The following MCTP1 variants were observed in gnomAD, a reference collection of about 807,000 sequenced individuals.
MCTP1 encodes multiple C2 and transmembrane domain-containing protein 1.
A neutral mutation model predicts 120.6 loss-of-function variants in MCTP1; 69 were observed. That is an observed-to-expected ratio of 0.57 (90% CI 0.47 to 0.70). The LOEUF is 0.70. Ranked by LOEUF, MCTP1 falls within the 30% of genes least tolerant of loss-of-function variation. The pLI, the probability that MCTP1 is intolerant of heterozygous loss-of-function variation, is 0.00. For missense variants in MCTP1, 1,203 were observed against 1,248.8 expected, an observed-to-expected ratio of 0.96 and a Z score of 0.55; for synonymous variants, 529 against 493.1, an observed-to-expected ratio of 1.07 and a Z score of -0.96.
chr5:95,235,699 A>G (rs116001972), intron 1 of MCTP1, among the ~76,000 whole-genome samples: 109 of 152,298 alleles, frequency 7.2e-4, no homozygotes, highest in African/African-American at 2.6e-3. Flanking sequence ...CTCATTTAAT[A>G]AATACCTATT....
intron 10 of MCTP1, among the ~76,000 whole-genome samples, chr5:94,906,008 CG>C (rs1404506527): frequency 6.7e-6 from 1 of 148,464 alleles, no homozygotes; most frequent in Non-Finnish European, 1.5e-5. Context: ...GGAAGGCAAG[CG>C]AAAAATGTGT....
At chr5:95,248,201 G>A (rs953742626) in intron 1 of MCTP1, among the ~76,000 whole-genome samples, 2 of 152,066 alleles carry the variant, frequency 1.3e-5, no homozygotes, top group Non-Finnish European at 2.9e-5. Context: ...AGAAATAAAG[G>A]GTATTCGACT....
At position 95,081,446 on chromosome 5, in the gene MCTP1, A is replaced by C. The variant is rs1409866686; in HGVS notation, c.721-63962T>G. 5 of 1,611,856 alleles carry C rather than the reference A, an allele frequency of 3.1e-6. No individual in the cohort carries two copies. In the South Asian group the frequency reaches 5.5e-5, roughly 18 times the overall value. On this transcript the variant is annotated intron_variant, in intron 1 of 22. Coordinates refer to ENST00000515393, the MANE Select transcript of MCTP1 (RefSeq NM_024717.7). Reference sequence around the variant, plus strand: ...CTTACCTTATTACAAATAAATGGCAAATTGCAGGCACTTTTCAGCTTGCAG... The same window carrying C: ...CTTACCTTATTACAAATAAATGGCACATTGCAGGCACTTTTCAGCTTGCAG...
rs991344246 is a variant in MCTP1, at chr5:95,066,565, A to G, written c.721-49081T>C. On this transcript the variant is annotated intron_variant, in intron 1 of 22. Coordinates refer to ENST00000515393, the MANE Select transcript of MCTP1 (RefSeq NM_024717.7). Reference sequence around the variant, plus strand: ...TCTGTTTATTGCAGTACTATTTACAATCGCCAAGACATGAAATCAACCTAA... The same window carrying G: ...TCTGTTTATTGCAGTACTATTTACAGTCGCCAAGACATGAAATCAACCTAA... Among the ~76,000 whole-genome samples, 3 of 152,258 alleles carry G rather than the reference A, an allele frequency of 2.0e-5. No homozygotes were observed. The East Asian group carries it at 5.8e-4, about 29-fold the overall frequency.
intron 7 of MCTP1, among the ~76,000 whole-genome samples, chr5:94,918,418 C>T (rs950001777): frequency 2.0e-5 from 3 of 152,234 alleles, no homozygotes; most frequent in Admixed American, 6.5e-5. Flanking sequence ...TCATATTAAC[C>T]TTGCATCCCA....
chr5:94,876,849 G>T (rs949510150), intron 12 of MCTP1, among the ~76,000 whole-genome samples: 1 of 151,984 alleles, frequency 6.6e-6, no homozygotes, highest in Non-Finnish European at 1.5e-5. Flanking sequence ...CAATTTTCTA[G>T]AGAGAAATAG....
chr5:95,083,105 A>G (rs1317269796), intron 1 of MCTP1, among the ~76,000 whole-genome samples: 1 of 152,224 alleles, frequency 6.6e-6, no homozygotes. Flanking sequence ...TGACATGGTC[A>G]TCAATACATA....
intron 1 of MCTP1, among the ~76,000 whole-genome samples, chr5:95,069,207 T>C (rs1201779149): frequency 1.3e-5 from 2 of 152,190 alleles, no homozygotes; most frequent in East Asian, 1.9e-4. Flanking sequence ...CTGCAAGGAC[T>C]GTCAAATTAT....
At chr5:94,942,450 C>G (rs159351) in intron 3 of MCTP1, 23 bp from the exon 4 acceptor site, 1 of 1,555,514 alleles carries the variant, frequency 6.4e-7, no homozygotes. Context: ...AGAGAAAAAG[C>G]CTTGTTATAA....
intron 11 of MCTP1, 132 bp from the exon 12 acceptor site, chr5:94,889,104 A>ATT: frequency 3.8e-5 from 17 of 442,602 alleles, no homozygotes; most frequent in South Asian, 1.1e-4. Flanking sequence ...AAACTAACTA[A>ATT]TTTTTTTTTT....
chr5:94,931,984 A>G lies in MCTP1; in HGVS notation c.1181T>C (p.Leu394Pro). ...TGATCTTTTCCAACTCTTCCTCATT[A>G]GCATTGTCTGTAAATAAAATAAAGC... The part of the protein sequence containing the change: ...KEGESRDVTM[L>P]MRKSWKRSSK... The change falls in exon 6 of 23, where the codon CTA becomes CCA. Residue 394 changes from leucine (L) to proline (P), a missense_variant. This residue lies in a region of MCTP1 where 740 missense variants were observed against 871.1 expected (regional missense o/e 0.85). Transcript: ENST00000515393. 2 of 1,596,928 alleles carry G rather than the reference A, an allele frequency of 1.3e-6. No individual in the cohort carries two copies. Among genetic ancestry groups the G allele is most frequent in the Non-Finnish European group, 1.7e-6 (2 of 1,165,810 alleles).
intron 1 of MCTP1, among the ~76,000 whole-genome samples, chr5:95,216,188 A>G (rs981619075): frequency 1.3e-5 from 2 of 152,212 alleles, no homozygotes; most frequent in Non-Finnish European, 2.9e-5. Context: ...GAATAAAAAT[A>G]TACACTAAAT....
At chr5:94,938,367 T>C (rs1459987414) in intron 5 of MCTP1, among the ~76,000 whole-genome samples, 1 of 152,012 alleles carries the variant, frequency 6.6e-6, no homozygotes, top group Admixed American at 6.6e-5. Context: ...CCACCTTCTC[T>C]AAACTCCAGT....
At position 94,961,223 on chromosome 5, in the gene MCTP1, G is replaced by A. The variant is rs185188018; in HGVS notation, c.839-7862C>T. On this transcript the variant is annotated intron_variant, in intron 2 of 22. Transcript: ENST00000515393. ...CACTCATAAGTGGGAGTTGAACAAT[G>A]AGAACATATGGGCACAGGGAAGGGA... Among the ~76,000 whole-genome samples, 248 of 145,828 alleles carry A rather than the reference G, an allele frequency of 1.7e-3. 1 individual carries two copies. Among genetic ancestry groups the A allele is most frequent in the African/African-American group, 5.5e-3 (217 of 39,668 alleles).
chr5:95,146,521 C>T (rs1447293891), intron 1 of MCTP1, among the ~76,000 whole-genome samples: 1 of 152,094 alleles, frequency 6.6e-6, no homozygotes, highest in Non-Finnish European at 1.5e-5. Flanking sequence ...AAGTATTTAG[C>T]ACTATAAACT....
At chr5:94,875,450 G>GA (rs1420710654) in intron 12 of MCTP1, among the ~76,000 whole-genome samples, 1 of 152,018 alleles carries the variant, frequency 6.6e-6, no homozygotes, top group African/African-American at 2.4e-5. Context: ...GCAGGTCTCT[G>GA]AAAAAACTTG....
Position 95,034,148 on chromosome 5 carries a change from C to T in MCTP1, c.721-16664G>A, listed in dbSNP as rs141465225. ...AATATCATTAAAATGACCATACTGCCCAAAGCAATCTATAGATTCATCACA... is the reference window on the plus strand; with the variant it reads ...AATATCATTAAAATGACCATACTGCTCAAAGCAATCTATAGATTCATCACA... On this transcript the variant is annotated intron_variant, in intron 1 of 22. Coordinates refer to ENST00000515393, the MANE Select transcript of MCTP1 (RefSeq NM_024717.7). Among the ~76,000 whole-genome samples the T allele has an allele frequency of 6.4e-3, 977 of 151,994 alleles. 14 individuals are homozygous for T. Among genetic ancestry groups the T allele is most frequent in the African/African-American group, 0.023 (938 of 41,492 alleles).
chr5:95,236,220 A>G (rs757483690), intron 1 of MCTP1, among the ~76,000 whole-genome samples: 1 of 152,212 alleles, frequency 6.6e-6, no homozygotes, highest in African/African-American at 2.4e-5. Flanking sequence ...TAACAACATG[A>G]TGAAGAAAAT....
chr5:94,807,332 A>G (rs1782553831), intron 17 of MCTP1, among the ~76,000 whole-genome samples: 1 of 152,234 alleles, frequency 6.6e-6, no homozygotes, highest in Non-Finnish European at 1.5e-5. Flanking sequence ...AAAACTGATT[A>G]TAGTAATGAA....
Sources: allele counts gnomAD v4.1 joint callset (sites outside exome capture counted in the v4.1 genomes callset), GRCh38; gene constraint gnomAD v4.1.1; regional missense constraint gnomAD v4.1.1; transcripts MANE v1.5; gene names NCBI Gene and HGNC (gene_info 2026-07-23, HGNC 2026-07-21).